Variants in PTPRQ observed in about 807,000 individuals in gnomAD.
PTPRQ encodes the protein protein tyrosine phosphatase receptor type Q.
A neutral mutation model predicts 246.0 loss-of-function variants in PTPRQ; 199 were observed. The ratio of observed to expected loss-of-function variants is 0.81; its 90% CI spans 0.72 to 0.91. The LOEUF is 0.91. Among genes scored for constraint, PTPRQ ranks in the 40% least tolerant of loss-of-function variants. The pLI is 0.00. For synonymous variants in PTPRQ, 869 were observed against 853.2 expected (o/e 1.02, Z -0.32); for missense variants, 2,624 against 2,528.4 (o/e 1.04, Z -0.81).
chr12:80,652,662 G>A, intron 37 of PTPRQ, 82 bp from the exon 38 acceptor site: 2 of 1,345,964 alleles, frequency 1.5e-6, no homozygotes, highest in Non-Finnish European at 9.7e-7. Flanking sequence ...AAAAAGTTTA[G>A]GACAAATAAC....
At position 80,489,990 on chromosome 12, in the gene PTPRQ, G is replaced by GTCTTGTGCC. The variant is rs369818726; in HGVS notation, c.1360-3285_1360-3284insTCTTGTGCC. Among the ~76,000 whole-genome samples the GTCTTGTGCC allele has an allele frequency of 2.0e-5, 3 of 151,796 alleles. No individual in the cohort carries two copies. The East Asian group carries it at 5.8e-4, about 30-fold the overall frequency. ...CGTTTGTCACTGGTGAATGTAAGAA[G>GTCTTGTGCC]AAAGTCTTGTGCTAAGGGCTTGGCT... On this transcript the variant is annotated intron_variant, in intron 9 of 44. Transcript: ENST00000644991.
chr12:80,501,044 G>A (rs1296278675), intron 14 of PTPRQ, among the ~76,000 whole-genome samples: 1 of 151,912 alleles, frequency 6.6e-6, no homozygotes, highest in Non-Finnish European at 1.5e-5. Context: ...AGGATGAAAA[G>A]TGTTCCAGAG....
At chr12:80,462,997 A>G (rs1424510942) in intron 6 of PTPRQ, among the ~76,000 whole-genome samples, 1 of 152,140 alleles carries the variant, frequency 6.6e-6, no homozygotes, top group Non-Finnish European at 1.5e-5. Context: ...CTCACCAGCA[A>G]CAGAACAAAG....
intron 23 of PTPRQ, among the ~76,000 whole-genome samples, chr12:80,545,960 T>TA (rs1332456966): frequency 4.6e-5 from 7 of 151,586 alleles, no homozygotes; most frequent in Non-Finnish European, 7.4e-5. Context: ...TTATGCAAAT[T>TA]AAAAAAAATG....
At chr12:80,668,398 T>C (rs1900855286) in intron 39 of PTPRQ, among the ~76,000 whole-genome samples, 1 of 151,904 alleles carries the variant, frequency 6.6e-6, no homozygotes, top group Non-Finnish European at 1.5e-5. Flanking sequence ...TTTTCTTGGG[T>C]CAGAACTCCA....
At chr12:80,464,057 A>T (rs1368554420) in intron 6 of PTPRQ, among the ~76,000 whole-genome samples, 1 of 152,098 alleles carries the variant, frequency 6.6e-6, no homozygotes, top group African/African-American at 2.4e-5. Context: ...TGCTCCAATT[A>T]AAAGACACAG....
intron 17 of PTPRQ, among the ~76,000 whole-genome samples, chr12:80,517,893 T>C (rs1040211853): frequency 6.6e-6 from 1 of 152,192 alleles, no homozygotes; most frequent in Non-Finnish European, 1.5e-5. Flanking sequence ...TTGATGGACA[T>C]TTTGGTTGCT....
intron 26 of PTPRQ, among the ~76,000 whole-genome samples, chr12:80,603,411 A>C (rs548519250): frequency 1.3e-5 from 2 of 151,856 alleles, no homozygotes; most frequent in South Asian, 4.1e-4. Flanking sequence ...CAAATTCTTT[A>C]ACGTAACAAT....
intron 26 of PTPRQ, among the ~76,000 whole-genome samples, chr12:80,594,527 C>T (rs918487074): frequency 5.9e-5 from 9 of 152,210 alleles, no homozygotes; most frequent in African/African-American, 1.7e-4. Context: ...CCTCTAGGCC[C>T]GAATATTGAA....
chr12:80,508,945 T>G (rs1339702787), intron 16 of PTPRQ, among the ~76,000 whole-genome samples: 2 of 152,094 alleles, frequency 1.3e-5, no homozygotes. Flanking sequence ...TCTAAGTTAC[T>G]GCTATTTTTA....
intron 26 of PTPRQ, among the ~76,000 whole-genome samples, chr12:80,593,456 T>C (rs1897868431): frequency 6.6e-6 from 1 of 152,040 alleles, no homozygotes; most frequent in African/African-American, 2.4e-5. Context: ...TGAATCTGAG[T>C]GTACACCTGT....
At chr12:80,545,226 C>T (rs550265912) in intron 23 of PTPRQ, among the ~76,000 whole-genome samples, 71 of 152,146 alleles carry the variant, frequency 4.7e-4, no homozygotes, top group African/African-American at 1.6e-3. Context: ...CCATGCCTTA[C>T]ATGTGTCTAT....
intron 3 of PTPRQ, among the ~76,000 whole-genome samples, chr12:80,450,839 C>A (rs532140117): frequency 2.9e-4 from 44 of 152,196 alleles, no homozygotes; most frequent in African/African-American, 1.0e-3. Flanking sequence ...CTAAAATTCT[C>A]TTTTTTGGTT....
rs572962091 is a variant in PTPRQ, at chr12:80,669,320, T to C, written c.6328-19T>C. 1 of 1,547,826 alleles carries C rather than the reference T, an allele frequency of 6.5e-7. No individual in the cohort carries two copies. The highest frequency in any genetic ancestry group is 1.2e-5 in the South Asian group (1 of 83,026). ...ATATAACAATGACGCTTATGACTGA[T>C]GATTTTCTCTGAATGCAGATCAGAT... On this transcript the variant is annotated intron_variant, in intron 40 of 44. Transcript: ENST00000644991.
intron 4 of PTPRQ, among the ~76,000 whole-genome samples, chr12:80,458,089 C>T (rs1893035126): frequency 6.6e-6 from 1 of 151,974 alleles, no homozygotes; most frequent in Non-Finnish European, 1.5e-5. Flanking sequence ...TTTGGAAACA[C>T]GGATTTTAAT....
At chr12:80,621,324 G>A (rs1025079678) in intron 32 of PTPRQ, among the ~76,000 whole-genome samples, 1 of 151,612 alleles carries the variant, frequency 6.6e-6, no homozygotes, top group African/African-American at 2.4e-5. Flanking sequence ...TATTTATTTT[G>A]CATATTTGTT....
rs1240382930 is a variant in PTPRQ, at chr12:80,484,413, TTTC to T, written c.1187-17_1187-15del. 5 of 1,517,618 alleles carry T rather than the reference TTTC, an allele frequency of 3.3e-6. No individual in the cohort carries two copies. The highest frequency in any genetic ancestry group is 1.3e-5 in the South Asian group (1 of 77,734). 94.0% of individuals were successfully genotyped at this position (1,517,618 alleles called of 1,614,324 possible). ...TTTTTAATTTCCCCCTTTTCTTTTC[TTTC>T]TTTCTTTCTTTCTTAGTTCCAGGGG... is the stretch of plus-strand genomic sequence containing the variant. On this transcript the variant is annotated splice_polypyrimidine_tract_variant and intron_variant, in intron 8 of 44. Coordinates refer to ENST00000644991, the MANE Select transcript of PTPRQ (RefSeq NM_001145026.2).
chr12:80,678,354 T>C (rs542714216), intron 43 of PTPRQ, among the ~76,000 whole-genome samples: 2 of 152,250 alleles, frequency 1.3e-5, no homozygotes, highest in South Asian at 4.1e-4. Flanking sequence ...CAAGAAAGAA[T>C]ATATTAATAC....
At chr12:80,602,213 C>A (rs762958503) in intron 26 of PTPRQ, among the ~76,000 whole-genome samples, 3 of 151,694 alleles carry the variant, frequency 2.0e-5, no homozygotes, top group Non-Finnish European at 4.4e-5. Context: ...TTCTAGATTC[C>A]TGTATAGTTA....
Sources: gnomAD v4.1 joint callset for allele counts (sites outside exome capture counted in the v4.1 genomes callset) on GRCh38, gnomAD v4.1.1 for gene constraint, MANE v1.5 for transcripts, NCBI Gene and HGNC (gene_info 2026-07-23, HGNC 2026-07-21) for gene names.